The following YBX3 variants were observed in gnomAD, a reference collection of about 807,000 sequenced individuals.
YBX3 encodes the protein Y-box binding protein 3.
A neutral mutation model predicts 42.4 loss-of-function variants in YBX3; 29 were observed. The ratio of observed to expected loss-of-function variants is 0.68; its 90% CI spans 0.51 to 0.93. The LOEUF (loss-of-function observed/expected upper bound fraction) is 0.93, where lower values mean the gene tolerates loss of function less well. Among genes scored for constraint, YBX3 ranks in the 40% least tolerant of loss-of-function variants. The probability of loss-of-function intolerance (pLI) is 0.00; values close to 1 mark genes in which losing one functional copy is unlikely to be tolerated. For synonymous variants in YBX3, 195 were observed against 189.8 expected, an observed-to-expected ratio of 1.03 and a Z score of -0.22; for missense variants, 517 against 527.5, an observed-to-expected ratio of 0.98 and a Z score of 0.19.
intron 6 of YBX3, among the ~76,000 whole-genome samples, chr12:10,707,585 G>A (rs1948152650): frequency 1.3e-5 from 2 of 152,102 alleles, no homozygotes; most frequent in Non-Finnish European, 2.9e-5. Flanking sequence ...TGTTCTCCCT[G>A]CTTTTATACT....
intron 8 of YBX3, 108 bp from the exon 9 acceptor site, chr12:10,701,461 T>C: frequency 5.7e-6 from 4 of 705,584 alleles, no homozygotes; most frequent in South Asian, 1.6e-5. Flanking sequence ...AAAATTAGCA[T>C]GCAAAAATTT....
At chr12:10,709,871 G>A in intron 6 of YBX3, 37 bp downstream of exon 6, 1 of 1,609,484 alleles carries the variant, frequency 6.2e-7, no homozygotes, top group East Asian at 2.2e-5. Context: ...ACGGAAGGGT[G>A]AGGATTGCTG....
Position 10,723,262 on chromosome 12 carries a change from G to T in YBX3, c.-151C>A. On this transcript the variant is annotated 5_prime_UTR_variant, in exon 1 of 10. Transcript: ENST00000228251. ...GGCGGCGGCCGAGGTGGGGTCGCGC[G>T]GCGGAGGCGGCTCGAGCTTCGTGCT... The T allele has an allele frequency of 8.8e-7, 1 of 1,139,586 alleles. No homozygotes were observed. The highest frequency in any genetic ancestry group is 1.1e-6 in the Non-Finnish European group (1 of 921,840). 70.6% of individuals were successfully genotyped at this position (1,139,586 alleles called of 1,614,324 possible).
rs371991259 is a variant in YBX3 at position 10,704,089 on chromosome 12, C to G, written c.840G>C (p.Pro280=). The stretch of plus-strand genomic sequence containing the variant: ...GGCGGTAAGTTGGATTTCGATGAAC[C>G]GGTCCCTGAAGTTGTGCTCCCTCTG... ...GVPEGAQLQG[P]VHRNPTYRPR... The change falls in exon 7 of 10, where the codon CCG becomes CCC. Residue 280 remains proline (P), a synonymous_variant. Coordinates refer to ENST00000228251, the MANE Select transcript of YBX3 (RefSeq NM_003651.5). 6.2e-7 allele frequency: 1 copy of G among 1,614,156 alleles called. No homozygotes were observed. Among genetic ancestry groups the G allele is most frequent in the Non-Finnish European group, 8.5e-7 (1 of 1,180,026 alleles).
Position 10,710,107 on chromosome 12 carries a change from C to G in YBX3, c.581G>C (p.Gly194Ala). Residue 194 changes from glycine to alanine, a missense_variant, in exon 6 of 10, where the codon GGG (glycine) becomes GCG (alanine). By Grantham distance (60) the Gly-to-Ala change is moderately conservative. Around this residue, in one of 3 missense-constraint regions of YBX3, gnomAD observed 420 missense variants for 408.5 expected, o/e 1.03. Transcript: ENST00000228251. ...GCCGCTCCCTTCCTCCTCCTCCTCC[C>G]CAGCGTACTAGCGAAGCAAAGAAAC... ...RRRGPPRNYA[G>A]EEEEEGSGSS... is the part of the protein sequence containing the mutation. The G allele has an allele frequency of 6.2e-7, 1 of 1,613,186 alleles. No individual in the cohort carries two copies. Among genetic ancestry groups the G allele is most frequent in the Non-Finnish European group, 8.5e-7 (1 of 1,179,856 alleles).
At chr12:10,713,057 A>T in intron 5 of YBX3, 154 bp downstream of exon 5, 1 of 1,072,460 alleles carries the variant, frequency 9.3e-7, no homozygotes, top group Non-Finnish European at 1.3e-6. Flanking sequence ...ATTTTAAAAA[A>T]TAAGATAAAA....
intron 6 of YBX3, 81 bp downstream of exon 6, chr12:10,709,827 T>TTGGAGG: frequency 6.6e-7 from 1 of 1,521,894 alleles, no homozygotes; most frequent in Non-Finnish European, 9.1e-7. Context: ...GCAGCTGATG[T>TTGGAGG]TGGAGGAGGA....
rs74063017 is a variant in YBX3 at position 10,716,905 on chromosome 12, T to C, written c.361-1122A>G. On this transcript the variant is annotated intron_variant, in intron 3 of 9. Coordinates refer to ENST00000228251, the MANE Select transcript of YBX3 (RefSeq NM_003651.5). ...CATTGAGGTGACTCACCACACAACC[T>C]CACGGGGGCTGGAATCGGGTCATAT... 6.2e-3 allele frequency among the ~76,000 whole-genome samples: 943 copies of C among 152,026 alleles called. 13 individuals are homozygous for C. Among genetic ancestry groups the C allele is most frequent in the African/African-American group, 0.022 (899 of 41,460 alleles).
intron 6 of YBX3, chr12:10,704,445 T>A (rs1948115444): frequency 4.3e-6 from 1 of 233,782 alleles, no homozygotes; most frequent in Non-Finnish European, 8.2e-6. Context: ...TCTCTTTAAA[T>A]AAAATACTCT....
At chr12:10,709,192 C>T (rs1393346959) in intron 6 of YBX3, among the ~76,000 whole-genome samples, 1 of 152,088 alleles carries the variant, frequency 6.6e-6, no homozygotes, top group Non-Finnish European at 1.5e-5. Flanking sequence ...ACCCCAACGA[C>T]ACTGAGGAGA....
intron 1 of YBX3, 31 bp downstream of exon 1, chr12:10,722,819 G>T (rs749866014): frequency 3.5e-6 from 5 of 1,419,654 alleles, no homozygotes; most frequent in South Asian, 3.2e-5. Flanking sequence ...GCCCCACTAC[G>T]GCAGCCCCTG....
At chr12:10,708,319 T>A (rs1290814588) in intron 6 of YBX3, among the ~76,000 whole-genome samples, 2 of 58,524 alleles carry the variant, frequency 3.4e-5, no homozygotes, top group African/African-American at 3.7e-5. Context: ...TATATTCCTA[T>A]TTTTTTTTTC....
chr12:10,712,991 T>C (rs945869462), intron 5 of YBX3: 115 of 538,650 alleles, frequency 2.1e-4, no homozygotes, highest in African/African-American at 2.0e-3. Context: ...AAAGAACTTA[T>C]TCATGTAACT....
intron 2 of YBX3, 79 bp downstream of exon 2, chr12:10,719,001 G>T: frequency 7.5e-7 from 1 of 1,331,414 alleles, no homozygotes; most frequent in Non-Finnish European, 1.1e-6. Flanking sequence ...AGCCATTAAT[G>T]AAGGCTAAGG....
In YBX3 at chr12:10,718,109, T is replaced by A. The variant is rs150263502; in HGVS notation, c.339A>T (p.Lys113Asn). 3.1e-6 allele frequency: 5 copies of A among 1,612,404 alleles called. No individual in the cohort carries two copies. The highest frequency in any genetic ancestry group is 4.2e-6 in the Non-Finnish European group (5 of 1,179,242). Residue 113 changes from lysine (K) to asparagine (N), a missense_variant, in exon 3 of 10, where the codon AAA becomes AAT. Physicochemically the swap from Lys to Asn is moderately conservative, Grantham distance 94 (BLOSUM62 0). This residue lies in a region of YBX3 where 420 missense variants were observed against 408.5 expected (regional missense o/e 1.03). Transcript: ENST00000228251. ...TTACCTGATGTACAAATACATCTTC[T>A]TTGGTGTCATTTCTGTTGAAAGACA... ...GYGFINRNDT[K>N]EDVFVHQTAI...
chr12:10,701,868 AGG>A, intron 8 of YBX3, 90 bp downstream of exon 8: 1 of 1,392,680 alleles, frequency 7.2e-7, no homozygotes, highest in South Asian at 1.4e-5. Context: ...GTTAAGTGTC[AGG>A]TTTCATGTGA....
At chr12:10,704,360 T>G in intron 6 of YBX3, 1 of 448,458 alleles carries the variant, frequency 2.2e-6, no homozygotes, top group Non-Finnish European at 3.9e-6. Flanking sequence ...GAATACTCAT[T>G]TGCTTAGTCC....
chr12:10,713,135 C>T, intron 5 of YBX3, 76 bp downstream of exon 5: 1 of 1,436,380 alleles, frequency 7.0e-7, no homozygotes, highest in Non-Finnish European at 9.2e-7. Context: ...AGGCATTTAT[C>T]TGCTCCAAGT....
In YBX3 at chr12:10,704,126, T is replaced by G; in HGVS notation, c.803A>C (p.Lys268Thr). ...RIQAGEIGEM[K>T]DGVPEGAQLQ... ...TTGTGCTCCCTCTGGGACTCCATCCTTCATCTCTCCAATCTCACCAGCCTG... is the reference window on the plus strand; with the variant it reads ...TTGTGCTCCCTCTGGGACTCCATCCGTCATCTCTCCAATCTCACCAGCCTG... Residue 268 changes from lysine to threonine, a missense_variant, in exon 7 of 10, where the codon AAG becomes ACG. Around this residue, in one of 3 missense-constraint regions of YBX3, gnomAD observed 420 missense variants for 408.5 expected, o/e 1.03. Transcript: ENST00000228251. 1 of 1,614,216 alleles carries G rather than the reference T, an allele frequency of 6.2e-7. No homozygotes were observed. The highest frequency in any genetic ancestry group is 8.5e-7 in the Non-Finnish European group (1 of 1,180,028).
Sources: gnomAD v4.1 joint callset for allele counts (sites outside exome capture counted in the v4.1 genomes callset) on GRCh38, gnomAD v4.1.1 for gene constraint, gnomAD v4.1.1 regional missense constraint, MANE v1.5 for transcripts, NCBI Gene and HGNC (gene_info 2026-07-23, HGNC 2026-07-21) for gene names.